The following METTL23 variants were observed in gnomAD, a reference collection of about 807,000 sequenced individuals.
METTL23 encodes the protein histone-arginine methyltransferase METTL23.
Under a neutral mutation model 21.2 loss-of-function variants are expected in METTL23, and 24 were observed. That is an observed-to-expected ratio of 1.13 (90% CI 0.82 to 1.59). METTL23 has a LOEUF of 1.59. Among genes scored for constraint, METTL23 ranks in the 40% most tolerant of loss-of-function variants. The pLI, the probability that METTL23 is intolerant of heterozygous loss-of-function variation, is 0.00. For synonymous variants in METTL23, 97 were observed against 75.2 expected (o/e 1.29, Z -1.50); for missense variants, 276 against 221.4 (o/e 1.25, Z -1.57).
chr17:76,727,457 C>T (rs2076992811), intron 1 of METTL23: 1 of 212,300 alleles, frequency 4.7e-6, no homozygotes. Flanking sequence ...GCCTCGGCCT[C>T]CCAAAGTGCT....
upstream of METTL23, chr17:76,726,370 A>C: frequency 6.3e-7 from 1 of 1,596,048 alleles, no homozygotes; most frequent in South Asian, 1.1e-5. Flanking sequence ...GGGCTCAGCG[A>C]GAAGCTCTCG....
chr17:76,726,360 G>C, upstream of METTL23: 1 of 1,589,542 alleles, frequency 6.3e-7, no homozygotes, highest in Non-Finnish European at 8.5e-7. Context: ...CACGGCCGCC[G>C]GGCTCAGCGA....
chr17:76,732,378 G>C (rs1033896992), intron 2 of METTL23, among the ~76,000 whole-genome samples: 2 of 152,118 alleles, frequency 1.3e-5, no homozygotes, highest in African/African-American at 4.8e-5. Context: ...GTGCACGCCT[G>C]TAATCCCAGC....
intron 2 of METTL23, 133 bp downstream of exon 2, chr17:76,729,927 G>A: frequency 3.0e-6 from 2 of 659,970 alleles, no homozygotes; most frequent in Non-Finnish European, 2.6e-6. Context: ...TGTAAGGTCT[G>A]TGAGCTAAGA....
At chr17:76,733,252 G>A in intron 3 of METTL23, 37 bp downstream of exon 3, 1 of 1,612,084 alleles carries the variant, frequency 6.2e-7, no homozygotes, top group South Asian at 1.1e-5. Context: ...TTTGGCCAGT[G>A]ATGCTATATG....
chr17:76,729,042 A>G (rs1317206590), intron 1 of METTL23, among the ~76,000 whole-genome samples: 2 of 149,428 alleles, frequency 1.3e-5, no homozygotes, highest in African/African-American at 2.5e-5. Context: ...CTGATGATCC[A>G]CCCACCTCGG....
In METTL23 at chr17:76,732,967, T is replaced by C; in HGVS notation, c.85-11T>C. ...TATAATTGTGAAATGCCATCTTTCA[T>C]AACTTATTAGATTGGAGCTGGAGTG... On this transcript the variant is annotated splice_polypyrimidine_tract_variant and intron_variant, in intron 2 of 4. Transcript: ENST00000341249. The C allele has an allele frequency of 6.4e-7, 1 of 1,554,834 alleles. No individual in the cohort carries two copies. Among genetic ancestry groups the C allele is most frequent in the Non-Finnish European group, 8.7e-7 (1 of 1,146,574 alleles).
chr17:76,729,828 G>T (rs772292507), intron 2 of METTL23, 34 bp downstream of exon 2: 1 of 1,486,982 alleles, frequency 6.7e-7, no homozygotes, highest in Non-Finnish European at 9.2e-7. Flanking sequence ...AGAGTTCTAG[G>T]TTATGTTCAG....
At chr17:76,726,717 G>C, upstream of METTL23, 1 of 539,562 alleles carries the variant, frequency 1.9e-6, no homozygotes, top group South Asian at 2.1e-5. Flanking sequence ...CATTGGCTTT[G>C]GCTCCCCTGG....
chr17:76,728,698 A>AC (rs1252797479), intron 1 of METTL23, among the ~76,000 whole-genome samples: 1 of 151,284 alleles, frequency 6.6e-6, no homozygotes, highest in Non-Finnish European at 1.5e-5. Context: ...GGTGTAAGCC[A>AC]CCGCTCCCGG....
At chr17:76,730,013 T>A (rs1469347419) in intron 2 of METTL23, among the ~76,000 whole-genome samples, 1 of 152,170 alleles carries the variant, frequency 6.6e-6, no homozygotes, top group East Asian at 1.9e-4. Flanking sequence ...GTTTTTCGGC[T>A]GGGCATGGTG....
chr17:76,732,370 G>A (rs1435542354), intron 2 of METTL23, among the ~76,000 whole-genome samples: 1 of 151,902 alleles, frequency 6.6e-6, no homozygotes, highest in Non-Finnish European at 1.5e-5. Context: ...GCTTGGTGGT[G>A]CACGCCTGTA....
chr17:76,726,336 G>C, upstream of METTL23: 1 of 1,564,330 alleles, frequency 6.4e-7, no homozygotes, highest in Non-Finnish European at 8.6e-7. Flanking sequence ...ACCCCCGCCC[G>C]ACCCGCTCAC....
intron 2 of METTL23, chr17:76,732,635 T>G (rs1159965321): frequency 3.2e-6 from 1 of 314,728 alleles, no homozygotes; most frequent in Non-Finnish European, 6.1e-6. Flanking sequence ...AGAGCAAGAC[T>G]CCGTCTCAAA....
At chr17:76,731,929 G>C (rs2077222017) in intron 2 of METTL23, among the ~76,000 whole-genome samples, 1 of 152,158 alleles carries the variant, frequency 6.6e-6, no homozygotes, top group Non-Finnish European at 1.5e-5. Flanking sequence ...GCATTCCCTG[G>C]TATTATTTCT....
chr17:76,726,332 G>T, upstream of METTL23: 1 of 1,560,758 alleles, frequency 6.4e-7, no homozygotes, highest in Non-Finnish European at 8.6e-7. Context: ...GGCCACCCCC[G>T]CCCGACCCGC....
intron 2 of METTL23, among the ~76,000 whole-genome samples, chr17:76,732,187 G>C (rs1307845424): frequency 7.0e-6 from 1 of 143,260 alleles, no homozygotes; most frequent in Non-Finnish European, 1.5e-5. Flanking sequence ...GTGAAACCCA[G>C]TCCCTACTAA....
upstream of METTL23, chr17:76,726,484 G>A (rs752042058): frequency 1.9e-6 from 3 of 1,586,484 alleles, no homozygotes; most frequent in East Asian, 2.4e-5. Flanking sequence ...ATTCTGCGGG[G>A]TCGCCAGCTG....
chr17:76,726,225 G>A, upstream of METTL23: 1 of 1,301,536 alleles, frequency 7.7e-7, no homozygotes, highest in Non-Finnish European at 1.0e-6. Context: ...TCCGCGGGGT[G>A]CGGGTGAGCC....
Sources: allele counts gnomAD v4.1 joint callset (sites outside exome capture counted in the v4.1 genomes callset), GRCh38; gene constraint gnomAD v4.1.1; transcripts MANE v1.5; gene names NCBI Gene and HGNC (gene_info 2026-07-23, HGNC 2026-07-21).